The following ARID4B variants were observed in gnomAD, a reference collection of about 807,000 sequenced individuals.
The protein encoded by ARID4B is AT-rich interaction domain 4B, also known as AT-rich interactive domain-containing protein 4B.
A neutral mutation model predicts 147.5 loss-of-function variants in ARID4B; 26 were observed. The ratio of observed to expected loss-of-function variants is 0.18; its 90% CI spans 0.13 to 0.24. ARID4B has a LOEUF of 0.24. Among genes scored for constraint, ARID4B ranks in the 10% least tolerant of loss-of-function variants. ARID4B has a pLI of 1.00. For synonymous variants in ARID4B, 512 were observed against 507.9 expected, an observed-to-expected ratio of 1.01 and a Z score of -0.11; for missense variants, 1,179 against 1,511.5, an observed-to-expected ratio of 0.78 and a Z score of 3.65.
chr1:235,198,119 G>A (rs892785254), intron 17 of ARID4B, among the ~76,000 whole-genome samples: 1 of 152,166 alleles, frequency 6.6e-6, no homozygotes, highest in African/African-American at 2.4e-5. Flanking sequence ...TTTTATGAGA[G>A]AAACTGAAGT....
chr1:235,235,806 CTGAGAG>C lies in ARID4B; in HGVS notation c.586-1320_586-1315del, dbSNP rs566351555. Reference sequence around the variant, plus strand: ...GAAATTGGAAAATAAAAAATTGAGACTGAGAGTAAGTCTCAATTAGGATTAAACAAT... The same window carrying C: ...GAAATTGGAAAATAAAAAATTGAGACTAAGTCTCAATTAGGATTAAACAAT... On this transcript the variant is annotated intron_variant, in intron 8 of 23. Coordinates refer to ENST00000264183, the MANE Select transcript of ARID4B (RefSeq NM_016374.6). Among the ~76,000 whole-genome samples the C allele has an allele frequency of 4.5e-4, 69 of 152,230 alleles. No homozygotes were observed. In the Middle Eastern group the frequency reaches 0.017, roughly 38 times the overall value.
chr1:235,239,094 T>TTAGGC (rs1451977013), intron 8 of ARID4B, among the ~76,000 whole-genome samples: 4 of 151,964 alleles, frequency 2.6e-5, no homozygotes, highest in Non-Finnish European at 5.9e-5. Context: ...GCTATTCTCC[T>TTAGGC]GCCTAGCTGG....
At chr1:235,325,203 C>T (rs1030846382) in intron 2 of ARID4B, among the ~76,000 whole-genome samples, 14 of 151,934 alleles carry the variant, frequency 9.2e-5, no homozygotes, top group Non-Finnish European at 2.1e-4. Flanking sequence ...TTCCTTTTAA[C>T]GTTAAAAGCA....
chr1:235,171,602 A>G (rs1007029253), intron 23 of ARID4B, among the ~76,000 whole-genome samples: 1 of 152,006 alleles, frequency 6.6e-6, no homozygotes, highest in Admixed American at 6.6e-5. Flanking sequence ...TGTGGTGACT[A>G]TATTTACAAA....
chr1:235,252,512 G>T (rs1261857388), intron 6 of ARID4B, among the ~76,000 whole-genome samples: 4 of 151,992 alleles, frequency 2.6e-5, no homozygotes, highest in Non-Finnish European at 5.9e-5. Context: ...TTTTCTCTGT[G>T]GACAAATACT....
In ARID4B at chr1:235,175,192, A is replaced by C. The variant is rs757315417; in HGVS notation, c.3656T>G (p.Phe1219Cys). The C allele has an allele frequency of 6.2e-7, 1 of 1,613,394 alleles. No homozygotes were observed. Among genetic ancestry groups the C allele is most frequent in the Non-Finnish European group, 8.5e-7 (1 of 1,179,318 alleles). ...NRLPKVYKWS[F>C]QMSDLENMTS... is the part of the protein sequence containing the mutation. ...TTTAACATGTCACTTACACATCTGA[A>C]AACTCCATTTGTAAACTTTGGGTAA... The change falls in exon 22 of 24, where the codon TTT (phenylalanine) becomes TGT (cysteine). Residue 1219 changes from phenylalanine to cysteine, a missense_variant. Phe to Cys is a radical substitution (Grantham distance 205). Around this residue, in one of 10 missense-constraint regions of ARID4B, gnomAD observed 357 missense variants for 427.3 expected, o/e 0.84. Transcript: ENST00000264183.
intron 2 of ARID4B, chr1:235,326,665 T>C (rs1191861160): frequency 5.3e-5 from 28 of 525,624 alleles, no homozygotes; most frequent in Non-Finnish European, 6.9e-5. Flanking sequence ...GTTATTCCTC[T>C]CATTCCCTAC....
chr1:235,266,783 TAAATC>T (rs148534584), intron 2 of ARID4B, among the ~76,000 whole-genome samples: 16,879 of 152,170 alleles, frequency 0.11, 1,288 homozygotes, highest in Non-Finnish European at 0.16. Context: ...AGACAATAGT[TAAATC>T]AAATCTTCAA....
chr1:235,169,609 C>T (rs1223241616), intron 23 of ARID4B, among the ~76,000 whole-genome samples: 2 of 151,688 alleles, frequency 1.3e-5, no homozygotes, highest in East Asian at 3.9e-4. Flanking sequence ...GATCTCGGCT[C>T]ACTGCAAGCT....
intron 2 of ARID4B, among the ~76,000 whole-genome samples, chr1:235,308,398 C>T (rs1348893548): frequency 1.3e-5 from 2 of 151,792 alleles, no homozygotes; most frequent in Admixed American, 1.3e-4. Context: ...TGAGCCACCG[C>T]TCCCAGCCTG....
intron 2 of ARID4B, among the ~76,000 whole-genome samples, chr1:235,268,418 CGT>C (rs908718851): frequency 1.3e-5 from 2 of 151,928 alleles, no homozygotes; most frequent in South Asian, 4.2e-4. Context: ...TCTAGGTGTG[CGT>C]GTGTGTCCCT....
intron 17 of ARID4B, among the ~76,000 whole-genome samples, chr1:235,209,716 A>G (rs959010872): frequency 1.3e-5 from 2 of 151,694 alleles, no homozygotes; most frequent in Non-Finnish European, 2.9e-5. Flanking sequence ...GGCACCTGCC[A>G]CCATGTCTGG....
intron 16 of ARID4B, among the ~76,000 whole-genome samples, chr1:235,216,366 G>C (rs74483430): frequency 1.3e-5 from 2 of 148,772 alleles, no homozygotes; most frequent in African/African-American, 5.0e-5. Flanking sequence ...CTTTTTTTTT[G>C]AGACAGAGTC....
At chr1:235,197,733 T>G (rs1665599520) in intron 17 of ARID4B, among the ~76,000 whole-genome samples, 2 of 150,322 alleles carry the variant, frequency 1.3e-5, no homozygotes, top group African/African-American at 5.0e-5. Context: ...CATATATGGG[T>G]TTTTTTGTAG....
rs530475921 is a variant in ARID4B, at chr1:235,290,048, C to T, written c.7-29296G>A. Among the ~76,000 whole-genome samples the T allele has an allele frequency of 2.6e-5, 4 of 151,118 alleles. No homozygotes were observed. The East Asian group carries it at 7.8e-4, about 29-fold the overall frequency. On this transcript the variant is annotated intron_variant, in intron 2 of 23. Transcript: ENST00000264183. ...GACTCTATCTCTAAAAAAAAAAAAC[C>T]CACACCATTTTTCACTATCAGATTG...
Position 235,241,506 on chromosome 1 carries a change from TAAACA to T in ARID4B, c.447-1060_447-1056del, listed in dbSNP as rs1298927007. Among the ~76,000 whole-genome samples the T allele has an allele frequency of 2.0e-5, 3 of 152,154 alleles. No homozygotes were observed. In the East Asian group the frequency reaches 5.8e-4, roughly 29 times the overall value. On this transcript the variant is annotated intron_variant, in intron 7 of 23. Transcript: ENST00000264183. ...ATATTTATATATTCCAATATAAATG[TAAACA>T]AAGTGAAAACTATTTTTTTCTTTTT...
chr1:235,267,565 G>C (rs1026662606), intron 2 of ARID4B, among the ~76,000 whole-genome samples: 5 of 152,170 alleles, frequency 3.3e-5, no homozygotes, highest in African/African-American at 1.2e-4. Context: ...AGGTGTGGTG[G>C]CTCACGCCTG....
intron 2 of ARID4B, among the ~76,000 whole-genome samples, chr1:235,301,812 T>A (rs1673167322): frequency 6.6e-6 from 1 of 151,732 alleles, no homozygotes. Flanking sequence ...CCTCCCAAGT[T>A]CAAGTGATTC....
intron 2 of ARID4B, among the ~76,000 whole-genome samples, chr1:235,288,022 T>C (rs1043661001): frequency 1.3e-5 from 2 of 152,222 alleles, no homozygotes; most frequent in African/African-American, 4.8e-5. Context: ...AAAACATTAA[T>C]GTGGCTGGGC....
Sources: allele counts gnomAD v4.1 joint callset (sites outside exome capture counted in the v4.1 genomes callset), GRCh38; gene constraint gnomAD v4.1.1; regional missense constraint gnomAD v4.1.1; transcripts MANE v1.5; gene names NCBI Gene and HGNC (gene_info 2026-07-23, HGNC 2026-07-21).